The following COL6A3 variants were observed in gnomAD, a reference collection of about 807,000 sequenced individuals.
COL6A3 encodes collagen alpha-3(VI) chain.
Under a neutral mutation model 274.1 loss-of-function variants are expected in COL6A3, and 137 were observed. The observed-to-expected ratio is 0.50, with a 90% confidence interval of 0.44 to 0.58. COL6A3 has a LOEUF of 0.58. Among genes scored for constraint, COL6A3 ranks in the 20% least tolerant of loss-of-function variants. COL6A3 has a pLI of 0.00. For missense variants in COL6A3, 3,950 were observed against 4,124.9 expected (o/e 0.96, Z 1.16); for synonymous variants, 1,650 against 1,650.6 (o/e 1.00, Z 0.01).
At position 237,359,381 on chromosome 2, in the gene COL6A3, C is replaced by T. The variant is rs79375816; in HGVS notation, c.6290G>A (p.Arg2097Gln). 1.8e-5 allele frequency: 29 copies of T among 1,613,814 alleles called. No homozygotes were observed. The highest frequency in any genetic ancestry group is 3.3e-5 in the South Asian group (3 of 91,080). Residue 2097 changes from arginine (R) to glutamine (Q), a missense_variant, in exon 18 of 44, where the codon CGG becomes CAG. Transcript: ENST00000295550. ...GCATACCTTCTCTCCTGGGAATCCC[C>T]GAGAGCCCTAGAAGGCAAGGCGATA... is the stretch of plus-strand genomic sequence containing the variant. The part of the protein sequence containing the change: ...CPGQRGVKGS[R>Q]GFPGEKGEVG...
intron 4 of COL6A3, among the ~76,000 whole-genome samples, chr2:237,382,528 G>C (rs1395785397): frequency 6.6e-6 from 1 of 152,210 alleles, no homozygotes; most frequent in Non-Finnish European, 1.5e-5. Flanking sequence ...CAGGCACCCT[G>C]CCCATATTGC....
chr2:237,374,399 GT>G lies in COL6A3; in HGVS notation c.3679+12del. 1.2e-6 allele frequency: 2 copies of G among 1,610,580 alleles called. No individual in the cohort carries two copies. The highest frequency in any genetic ancestry group is 2.2e-5 in the South Asian group (2 of 90,958). ...ATGACACTGAGTGAGGATGCAAAGAGTTCCCTGCGTACCTGGGCTCGGTAGA... is the reference window on the plus strand; with the variant it reads ...ATGACACTGAGTGAGGATGCAAAGAGTCCCTGCGTACCTGGGCTCGGTAGA... On this transcript the variant is annotated intron_variant, in intron 8 of 43. Transcript: ENST00000295550. The surrounding 1 kb of genome is among the most constrained non-coding windows in gnomAD (Gnocchi z 4.8).
chr2:237,340,039 C>T (rs1421263586), intron 38 of COL6A3, among the ~76,000 whole-genome samples: 1 of 152,160 alleles, frequency 6.6e-6, no homozygotes, highest in East Asian at 1.9e-4. Flanking sequence ...GTGGCTAAGC[C>T]CCGATCAAAG....
In COL6A3 at chr2:237,374,777, G is replaced by T. The variant is rs751456189; in HGVS notation, c.3314C>A (p.Thr1105Asn). ...VRQLTLLGGPTPNTGAALEFV... is the reference protein window; with the variant it reads ...VRQLTLLGGPNPNTGAALEFV... Reference sequence around the variant, plus strand: ...CTCCAGGGCGGCCCCGGTGTTGGGGGTCGGCCCTCCCAGCAGGGTCAGCTG... The same window carrying T: ...CTCCAGGGCGGCCCCGGTGTTGGGGTTCGGCCCTCCCAGCAGGGTCAGCTG... The change falls in exon 8 of 44, where the codon ACC (threonine) becomes AAC (asparagine). Residue 1105 changes from threonine to asparagine, a missense_variant. Physicochemically the swap from Thr to Asn is moderately conservative, Grantham distance 65. Transcript: ENST00000295550. The surrounding 1 kb of genome is among the most constrained non-coding windows in gnomAD (Gnocchi z 4.8). The T allele has an allele frequency of 6.2e-7, 1 of 1,614,066 alleles. No individual in the cohort carries two copies. The highest frequency in any genetic ancestry group is 8.5e-7 in the Non-Finnish European group (1 of 1,179,984).
rs777023618 is a variant in COL6A3 at position 237,372,007 on chromosome 2, G to A, written c.4010C>T (p.Pro1337Leu). Residue 1337 changes from proline (P) to leucine (L), a missense_variant, in exon 9 of 44, where the codon CCG becomes CTG. By Grantham distance (98) the Pro-to-Leu change is moderately conservative. Around this residue, in one of 5 missense-constraint regions of COL6A3, gnomAD observed 1,934 missense variants for 1,984.3 expected, o/e 0.97. Transcript: ENST00000295550. ...PLGSRIEEGV[P>L]QFLVLISSGK... ...AGACGAGATGAGGACCAGGAACTGC[G>A]GGACGCCCTCTTCAATGCGGCTCCC... 9 of 1,613,980 alleles carry A rather than the reference G, an allele frequency of 5.6e-6. No individual in the cohort carries two copies. The highest frequency in any genetic ancestry group is 3.3e-5 in the South Asian group (3 of 91,082).
rs749353897 is a variant in COL6A3 at position 237,333,468 on chromosome 2, A to G, written c.9310T>C (p.Leu3104=). Residue 3104 remains leucine (L), a synonymous_variant, in exon 42 of 44, where the codon TTG becomes CTG. Coordinates refer to ENST00000295550, the MANE Select transcript of COL6A3 (RefSeq NM_004369.4). The part of the protein sequence containing the change: ...TINLMVSTEP[L]ALTETDICKL... ...AACTCACCTGTTTCAGTGAGAGCCA[A>G]TGGTTCTGTGCTCACCATTAGATTG... 7.4e-6 allele frequency: 12 copies of G among 1,614,212 alleles called. No individual in the cohort carries two copies. The highest frequency in any genetic ancestry group is 2.2e-5 in the East Asian group (1 of 44,892).
Position 237,325,610 on chromosome 2 carries a change from T to G in COL6A3, c.9443A>C (p.Asn3148Thr). The change falls in exon 43 of 44, where the codon AAC becomes ACC. Residue 3148 changes from asparagine to threonine, a missense_variant. By Grantham distance (65) the Asn-to-Thr change is moderately conservative (BLOSUM62 0). Transcript: ENST00000295550. ...ARFWYGGCGG[N>T]ENKFGSQKEC... The stretch of plus-strand genomic sequence containing the variant: ...TTTCTGTGATCCAAATTTGTTTTCG[T>G]TTCCACCACAACCTCCATACCAGAA... 2 of 1,614,192 alleles carry G rather than the reference T, an allele frequency of 1.2e-6. No individual in the cohort carries two copies. Among genetic ancestry groups the G allele is most frequent in the Non-Finnish European group, 1.7e-6 (2 of 1,180,030 alleles).
intron 30 of COL6A3, 56 bp from the exon 31 acceptor site, chr2:237,347,925 A>C (rs72986105): frequency 0.033 from 50,582 of 1,524,408 alleles, 983 homozygotes; most frequent in South Asian, 0.039. Context: ...GATCTCACTG[A>C]GGGTCCGTGG....
rs886044653 is a variant in COL6A3 at position 237,368,619 on chromosome 2, G to T, written c.4844C>A (p.Pro1615His). The stretch of plus-strand genomic sequence containing the variant: ...TGGAGGTGCAGGAGTGGCTGCGGAG[G>T]GTCCAAACGAGTTCATGATTCTTTC... ...IEERIMNSFG[P>H]SAATPAPPGV... The change falls in exon 10 of 44, where the codon CCC (proline) becomes CAC (histidine). Residue 1615 changes from proline to histidine, a missense_variant. Physicochemically the swap from Pro to His is moderately conservative, Grantham distance 77 (BLOSUM62 -2). Transcript: ENST00000295550. This position sits in a 1 kb window ranked among gnomAD's most constrained non-coding sequence, Gnocchi z 4.4. 1.9e-6 allele frequency: 3 copies of T among 1,614,064 alleles called. No homozygotes were observed. Among genetic ancestry groups the T allele is most frequent in the Non-Finnish European group, 2.5e-6 (3 of 1,180,004 alleles).
chr2:237,325,734 A>C lies in COL6A3; in HGVS notation c.9329-10T>G, dbSNP rs1699905479. 6.2e-7 allele frequency: 1 copy of C among 1,611,754 alleles called. No individual in the cohort carries two copies. On this transcript the variant is annotated splice_polypyrimidine_tract_variant and intron_variant, in intron 42 of 43. Transcript: ENST00000295550. ...GGCAACTTGCATATATCTTTAATAA[A>C]AACATGAGAAAAGGATATTAATGAG...
chr2:237,346,994 T>C (rs192593485), intron 31 of COL6A3, among the ~76,000 whole-genome samples: 2 of 151,844 alleles, frequency 1.3e-5, no homozygotes, highest in Admixed American at 1.3e-4. Context: ...ATAAGATAAT[T>C]ATGTTTCTTT....
chr2:237,378,582 C>A, intron 6 of COL6A3, 54 bp downstream of exon 6: 1 of 1,611,718 alleles, frequency 6.2e-7, no homozygotes, highest in Non-Finnish European at 8.5e-7. Context: ...AAACTACCCT[C>A]CAGGGTGGTG....
intron 16 of COL6A3, among the ~76,000 whole-genome samples, chr2:237,360,916 C>T (rs2077421309): frequency 6.6e-6 from 1 of 152,178 alleles, no homozygotes; most frequent in Non-Finnish European, 1.5e-5. Context: ...AAGAACAAAT[C>T]CCACCCTTCA....
intron 1 of COL6A3, among the ~76,000 whole-genome samples, chr2:237,397,419 G>T (rs2078476987): frequency 7.6e-6 from 1 of 130,898 alleles, no homozygotes; most frequent in Admixed American, 8.9e-5. Context: ...GAGAAGGAAA[G>T]AAAGAAAGAG....
chr2:237,387,813 C>A lies in COL6A3; in HGVS notation c.1081G>T (p.Glu361Ter). The part of the protein sequence containing the change: ...VLISAGPSSD[E>*]IRYGVVALKQ... Reference sequence around the variant, plus strand: ...AGTGCTACCACCCCGTAGCGAATCTCGTCACTAGAAGGCCCGGCACTTATG... The same window carrying A: ...AGTGCTACCACCCCGTAGCGAATCTAGTCACTAGAAGGCCCGGCACTTATG... Residue 361 changes from glutamate (E) to a stop codon, truncating the protein, a stop_gained, in exon 4 of 44, where the codon GAG (glutamate) becomes TAG (stop). Transcript: ENST00000295550. LOFTEE classifies it high-confidence loss of function. The A allele has an allele frequency of 6.2e-7, 1 of 1,614,176 alleles. No homozygotes were observed.
chr2:237,389,777 T>C (rs1426848336), intron 3 of COL6A3, among the ~76,000 whole-genome samples: 1 of 152,254 alleles, frequency 6.6e-6, no homozygotes, highest in East Asian at 1.9e-4. Flanking sequence ...AACATTGCTA[T>C]CACAATCCTT....
At chr2:237,395,772 AT>A (rs2078423745) in intron 2 of COL6A3, among the ~76,000 whole-genome samples, 1 of 152,168 alleles carries the variant, frequency 6.6e-6, no homozygotes, top group African/African-American at 2.4e-5. Flanking sequence ...GAAAAGACTT[AT>A]TTTTTCCAGA....
At chr2:237,383,183 T>C (rs998320173) in intron 4 of COL6A3, among the ~76,000 whole-genome samples, 2 of 152,226 alleles carry the variant, frequency 1.3e-5, no homozygotes, top group African/African-American at 4.8e-5. Context: ...GAATCGCTGA[T>C]ACATGCCAAA....
chr2:237,382,047 G>A (rs999235776), intron 4 of COL6A3, among the ~76,000 whole-genome samples: 77 of 152,208 alleles, frequency 5.1e-4, no homozygotes, highest in African/African-American at 1.8e-3. Flanking sequence ...AAGGAAATCA[G>A]CATCAAAGCC....
Sources: gnomAD v4.1 joint callset for allele counts (sites outside exome capture counted in the v4.1 genomes callset) on GRCh38, gnomAD v4.1.1 for gene constraint, gnomAD v4.1.1 regional missense constraint, Gnocchi (gnomAD v3.1) non-coding constraint, MANE v1.5 for transcripts, NCBI Gene and HGNC (gene_info 2026-07-23, HGNC 2026-07-21) for gene names.